Variants in SFMBT1 observed in about 807,000 individuals in gnomAD.
SFMBT1 encodes the protein scm-like with four MBT domains protein 1.
SFMBT1 carries 32 observed loss-of-function variants against 108.7 expected under a neutral mutation model. The observed-to-expected ratio is 0.29, with a 90% CI of 0.22 to 0.40. The LOEUF (loss-of-function observed/expected upper bound fraction) is 0.40. Ranked by LOEUF, SFMBT1 falls within the 10% of genes least tolerant of loss-of-function variation. SFMBT1 has a pLI of 1.00. For missense variants in SFMBT1, 816 were observed against 1,059.6 expected (o/e 0.77, Z 3.19); for synonymous variants, 348 against 369.5 (o/e 0.94, Z 0.67).
At chr3:52,912,410 C>T (rs901811397) in intron 16 of SFMBT1, 128 bp downstream of exon 16, 1 of 638,056 alleles carries the variant, frequency 1.6e-6, no homozygotes, top group Non-Finnish European at 2.8e-6. Context: ...GAACTCCTGA[C>T]CTTGTGATCC....
At chr3:53,008,142 G>A (rs1559547410) in intron 1 of SFMBT1, among the ~76,000 whole-genome samples, 1 of 152,084 alleles carries the variant, frequency 6.6e-6, no homozygotes, top group African/African-American at 2.4e-5. Context: ...CTTGAATGGG[G>A]AATGGGGGGG....
At chr3:53,039,508 G>A (rs1380225043) in intron 1 of SFMBT1, among the ~76,000 whole-genome samples, 2 of 152,078 alleles carry the variant, frequency 1.3e-5, no homozygotes, top group African/African-American at 2.4e-5. Context: ...TTCCAGTCTG[G>A]GAAGATTAAA....
chr3:52,919,189 G>A (rs558542718), intron 12 of SFMBT1, among the ~76,000 whole-genome samples: 1 of 152,020 alleles, frequency 6.6e-6, no homozygotes, highest in Non-Finnish European at 1.5e-5. Flanking sequence ...AAATGTAAGG[G>A]TTAAAACTAT....
intron 1 of SFMBT1, among the ~76,000 whole-genome samples, chr3:52,976,751 A>T (rs554325185): frequency 6.6e-6 from 1 of 152,376 alleles, no homozygotes; most frequent in East Asian, 1.9e-4. Context: ...CACCTATTAG[A>T]TAAATAAGAC....
In SFMBT1 at chr3:52,956,331, G is replaced by A. The variant is rs997084610; in HGVS notation, c.29-1920C>T. ...AAAAATTAGCTGGGTGTGGCGGCAC[G>A]CACCTGTAGTCCCAGCTACTCGGGA... On this transcript the variant is annotated intron_variant, in intron 2 of 20. Coordinates refer to ENST00000394752, the MANE Select transcript of SFMBT1 (RefSeq NM_016329.4). Among the ~76,000 whole-genome samples the A allele has an allele frequency of 5.3e-5, 8 of 152,272 alleles. 1 individual carries two copies. Among genetic ancestry groups the A allele is most frequent in the South Asian group, 2.1e-4 (1 of 4,820 alleles).
intron 1 of SFMBT1, among the ~76,000 whole-genome samples, chr3:53,007,265 C>T (rs976957504): frequency 5.9e-5 from 9 of 152,114 alleles, no homozygotes; most frequent in Admixed American, 1.3e-4. Flanking sequence ...TCTTTTCCCC[C>T]GCTAGGTAGG....
At chr3:52,954,439 G>A in intron 2 of SFMBT1, 28 bp from the exon 3 acceptor site, 2 of 1,529,372 alleles carry the variant, frequency 1.3e-6, no homozygotes, top group Non-Finnish European at 1.8e-6. Flanking sequence ...ACAAAAACAG[G>A]TGAATCCCAA....
At chr3:52,913,433 T>C in intron 15 of SFMBT1, 45 bp downstream of exon 15, 1 of 1,596,376 alleles carries the variant, frequency 6.3e-7, no homozygotes. Context: ...CATAGGAGAA[T>C]GCTGTGAAAT....
chr3:52,987,737 C>T (rs1704977122), intron 1 of SFMBT1, among the ~76,000 whole-genome samples: 1 of 152,174 alleles, frequency 6.6e-6, no homozygotes. Flanking sequence ...TTCTAAGTTC[C>T]ATACTGTTCT....
chr3:52,916,036 C>T (rs1004262914), intron 14 of SFMBT1, 114 bp downstream of exon 14: 2 of 774,924 alleles, frequency 2.6e-6, no homozygotes, highest in Non-Finnish European at 4.2e-6. Context: ...AATTAAGAGA[C>T]CCCTCTATGA....
intron 6 of SFMBT1, among the ~76,000 whole-genome samples, chr3:52,931,832 T>C (rs1702867917): frequency 6.6e-6 from 1 of 151,988 alleles, no homozygotes; most frequent in Admixed American, 6.6e-5. Context: ...AGAGCAAGAC[T>C]CTGTCTCAAA....
intron 3 of SFMBT1, among the ~76,000 whole-genome samples, chr3:52,950,903 AAGG>A (rs750036699): frequency 3.2e-4 from 48 of 151,908 alleles, no homozygotes; most frequent in Admixed American, 7.9e-4. Context: ...CCCTTGAGGC[AAGG>A]AGTTCAAAAC....
intron 3 of SFMBT1, among the ~76,000 whole-genome samples, chr3:52,953,752 G>C (rs1703674628): frequency 6.6e-6 from 1 of 152,088 alleles, no homozygotes; most frequent in African/African-American, 2.4e-5. Context: ...TTTGACAAAA[G>C]TAAAGGAATA....
intron 1 of SFMBT1, among the ~76,000 whole-genome samples, chr3:52,982,956 C>G (rs754804571): frequency 2.0e-5 from 3 of 152,040 alleles, no homozygotes; most frequent in Non-Finnish European, 4.4e-5. Flanking sequence ...TGACAAGATC[C>G]CTCTATGATA....
At chr3:53,034,124 T>C (rs191752022) in intron 1 of SFMBT1, among the ~76,000 whole-genome samples, 4 of 147,806 alleles carry the variant, frequency 2.7e-5, no homozygotes, top group African/African-American at 1.0e-4. Flanking sequence ...TCATCTATTA[T>C]CAGGTACTTC....
intron 2 of SFMBT1, among the ~76,000 whole-genome samples, chr3:52,956,243 C>T (rs1703779106): frequency 1.3e-5 from 2 of 152,174 alleles, no homozygotes; most frequent in South Asian, 2.1e-4. Flanking sequence ...AGGCAGATCA[C>T]GAGGTCAAGA....
chr3:53,034,500 G>A (rs1419898520), intron 1 of SFMBT1, among the ~76,000 whole-genome samples: 3 of 151,868 alleles, frequency 2.0e-5, no homozygotes, highest in African/African-American at 7.3e-5. Context: ...AGAATCACTT[G>A]AACCAGGAGG....
chr3:52,934,094 C>G (rs1702935743), intron 5 of SFMBT1, among the ~76,000 whole-genome samples: 1 of 152,000 alleles, frequency 6.6e-6, no homozygotes, highest in South Asian at 2.1e-4. Context: ...CACAAAAAAA[C>G]ATACTCAACA....
chr3:53,028,824 G>A (rs1201164566), intron 1 of SFMBT1, among the ~76,000 whole-genome samples: 1 of 152,158 alleles, frequency 6.6e-6, no homozygotes, highest in Non-Finnish European at 1.5e-5. Flanking sequence ...CTCTCAGAGG[G>A]GACCTGCCTG....
Sources: gnomAD v4.1 joint callset for allele counts (sites outside exome capture counted in the v4.1 genomes callset) on GRCh38, gnomAD v4.1.1 for gene constraint, MANE v1.5 for transcripts, NCBI Gene and HGNC (gene_info 2026-07-23, HGNC 2026-07-21) for gene names.